LRPPRC: variants seen among roughly 807,000 people sequenced by gnomAD.
LRPPRC encodes leucine-rich PPR motif-containing protein, mitochondrial.
In LRPPRC, 120 loss-of-function variants were observed where a neutral mutation model predicts 180.3. The observed-to-expected ratio is 0.67, with a 90% CI of 0.57 to 0.77. LRPPRC has a LOEUF of 0.77. Among genes scored for constraint, LRPPRC ranks in the 30% least tolerant of loss-of-function variants. LRPPRC has a pLI of 0.00. For missense variants in LRPPRC, 2,012 were observed against 1,657.2 expected, an observed-to-expected ratio of 1.21 and a Z score of -3.72; for synonymous variants, 723 against 600.0, an observed-to-expected ratio of 1.21 and a Z score of -3.00.
intron 1 of LRPPRC, among the ~76,000 whole-genome samples, chr2:43,991,428 C>T (rs1326900104): frequency 1.3e-5 from 2 of 152,078 alleles, no homozygotes; most frequent in African/African-American, 2.4e-5. Context: ...TCACACCATC[C>T]CATCAAAGAA....
In LRPPRC at chr2:43,889,880, A is replaced by C. The variant is rs2104970688; in HGVS notation, c.3986-4T>G. 2 of 1,599,516 alleles carry C rather than the reference A, an allele frequency of 1.3e-6. No homozygotes were observed. The highest frequency in any genetic ancestry group is 1.7e-6 in the Non-Finnish European group (2 of 1,166,660). On this transcript the variant is annotated splice_polypyrimidine_tract_variant and splice_region_variant and intron_variant, in intron 36 of 37. Coordinates refer to ENST00000260665, the MANE Select transcript of LRPPRC (RefSeq NM_133259.4). ...GATGTGACATCTTTCTCTGAGACTG[A>C]CATAAAGAAAAAAATATATTAATCA...
At chr2:43,922,942 T>C (rs1671749216) in intron 27 of LRPPRC, among the ~76,000 whole-genome samples, 1 of 152,062 alleles carries the variant, frequency 6.6e-6, no homozygotes, top group Non-Finnish European at 1.5e-5. Flanking sequence ...TTAAAAAGAA[T>C]ATATACTTCT....
At chr2:43,941,837 T>TAAAA (rs35278650) in intron 23 of LRPPRC, among the ~76,000 whole-genome samples, 3 of 92,858 alleles carry the variant, frequency 3.2e-5, no homozygotes, top group Non-Finnish European at 6.9e-5. Flanking sequence ...CAAAGTAGTC[T>TAAAA]AAAAAAAAAA....
At chr2:43,976,627 T>G (rs1674067121) in intron 5 of LRPPRC, among the ~76,000 whole-genome samples, 1 of 151,644 alleles carries the variant, frequency 6.6e-6, no homozygotes, top group Non-Finnish European at 1.5e-5. Context: ...AGAGAAATGG[T>G]GCAACTGATT....
intron 7 of LRPPRC, 111 bp from the exon 8 acceptor site, chr2:43,974,869 G>A: frequency 8.8e-7 from 1 of 1,138,532 alleles, no homozygotes; most frequent in South Asian, 1.3e-5. Context: ...CCACCTAAAG[G>A]TTTACGACTT....
intron 23 of LRPPRC, among the ~76,000 whole-genome samples, chr2:43,937,992 C>T (rs1339045778): frequency 1.3e-5 from 2 of 152,110 alleles, no homozygotes; most frequent in Non-Finnish European, 2.9e-5. Flanking sequence ...AACAATAATC[C>T]TCTGAAGAAA....
Position 43,977,150 on chromosome 2 carries a change from C to A in LRPPRC, c.591+5G>T. ...GAAAATATATTCACAATAGCAACTA[C>A]TTACTCGATTTGGTTGAATGTTTGC... is the stretch of plus-strand genomic sequence containing the variant. On this transcript the variant is annotated splice_donor_5th_base_variant and intron_variant, in intron 4 of 37. Transcript: ENST00000260665. 1 of 1,611,752 alleles carries A rather than the reference C, an allele frequency of 6.2e-7. No individual in the cohort carries two copies. The highest frequency in any genetic ancestry group is 8.5e-7 in the Non-Finnish European group (1 of 1,178,042).
At chr2:43,889,607 CCT>C (rs1369952387) in intron 37 of LRPPRC, 125 bp downstream of exon 37, 3 of 835,998 alleles carry the variant, frequency 3.6e-6, no homozygotes, top group East Asian at 2.6e-5. Context: ...CAAGCCATCC[CCT>C]GAGGGCTCTT....
chr2:43,950,491 T>C (rs1672856647), intron 15 of LRPPRC, 82 bp downstream of exon 15: 6 of 1,236,692 alleles, frequency 4.9e-6, no homozygotes, highest in Non-Finnish European at 7.1e-6. Flanking sequence ...ATAGGTTTCA[T>C]GATAAAAATT....
Position 43,969,820 on chromosome 2 carries a change from G to C in LRPPRC, c.1369+3787C>G, listed in dbSNP as rs565120734. ...ACCCCAGCCTCCCAAGCAGCTAGGA[G>C]TATGCCACCTCGCTCGGCTAATTTT... On this transcript the variant is annotated intron_variant, in intron 11 of 37. Coordinates refer to ENST00000260665, the MANE Select transcript of LRPPRC (RefSeq NM_133259.4). 2.6e-5 allele frequency among the ~76,000 whole-genome samples: 4 copies of C among 152,090 alleles called. No individual in the cohort carries two copies. In the South Asian group the frequency reaches 6.2e-4, roughly 24 times the overall value.
At chr2:43,929,293 T>C (rs879684285) in intron 25 of LRPPRC, among the ~76,000 whole-genome samples, 23 of 152,186 alleles carry the variant, frequency 1.5e-4, no homozygotes, top group Non-Finnish European at 2.9e-4. Flanking sequence ...AGTAATACAA[T>C]AAGTACTGTA....
chr2:43,920,317 G>C (rs1671654323), intron 27 of LRPPRC, among the ~76,000 whole-genome samples: 1 of 152,046 alleles, frequency 6.6e-6, no homozygotes, highest in African/African-American at 2.4e-5. Context: ...TGTATTTTTA[G>C]TAGAGACAGG....
chr2:43,949,726 T>C (rs989896397), intron 15 of LRPPRC, 67 bp from the exon 16 acceptor site: 2 of 1,064,036 alleles, frequency 1.9e-6, no homozygotes, highest in Middle Eastern at 2.0e-4. Flanking sequence ...AATCTGAAAT[T>C]GAATTCTTGA....
chr2:43,949,471 G>C (rs1572957824), intron 16 of LRPPRC, 131 bp downstream of exon 16: 1 of 727,280 alleles, frequency 1.4e-6, no homozygotes, highest in African/African-American at 1.7e-5. Context: ...TCAATATAAA[G>C]ATTTATAACC....
intron 15 of LRPPRC, among the ~76,000 whole-genome samples, chr2:43,950,262 G>A (rs1459144086): frequency 6.6e-6 from 1 of 151,730 alleles, no homozygotes; most frequent in Non-Finnish European, 1.5e-5. Flanking sequence ...TGCAGGATGT[G>A]CAGGTTTGTT....
At chr2:43,994,924 C>A (rs543969302) in intron 1 of LRPPRC, among the ~76,000 whole-genome samples, 1 of 152,312 alleles carries the variant, frequency 6.6e-6, no homozygotes, top group African/African-American at 2.4e-5. Flanking sequence ...CAACAGAGTG[C>A]CTTGCATGTG....
intron 31 of LRPPRC, among the ~76,000 whole-genome samples, chr2:43,905,083 T>C (rs1246623551): frequency 6.6e-6 from 1 of 152,152 alleles, no homozygotes; most frequent in Non-Finnish European, 1.5e-5. Flanking sequence ...TGTCCACATC[T>C]TTCAGGTGTC....
chr2:43,915,246 A>T (rs1456452267), intron 29 of LRPPRC, among the ~76,000 whole-genome samples: 3,526 of 114,302 alleles, frequency 0.031, 68 homozygotes, highest in Non-Finnish European at 0.043. Context: ...ACACACACAC[A>T]CACACACACA....
intron 29 of LRPPRC, among the ~76,000 whole-genome samples, chr2:43,914,748 GAATT>G (rs1671382448): frequency 6.6e-6 from 1 of 151,822 alleles, no homozygotes; most frequent in Admixed American, 6.6e-5. Flanking sequence ...GAAAAGAAAA[GAATT>G]AACAGGATGA....
Sources: allele counts gnomAD v4.1 joint callset (sites outside exome capture counted in the v4.1 genomes callset), GRCh38; gene constraint gnomAD v4.1.1; transcripts MANE v1.5; gene names NCBI Gene and HGNC (gene_info 2026-07-23, HGNC 2026-07-21).